The following RNF130 variants were observed in gnomAD, a reference collection of about 807,000 sequenced individuals.
The protein encoded by RNF130 is ring finger protein 130, also known as E3 ubiquitin-protein ligase RNF130.
RNF130 carries 21 observed loss-of-function variants against 44.6 expected under a neutral mutation model. That is an observed-to-expected ratio of 0.47 (90% CI 0.33 to 0.68). The LOEUF is 0.68. RNF130 is among the 30% of genes least tolerant of loss of function. The pLI is 0.02. For missense variants in RNF130, 479 were observed against 560.6 expected, an observed-to-expected ratio of 0.85 and a Z score of 1.47; for synonymous variants, 214 against 210.4, an observed-to-expected ratio of 1.02 and a Z score of -0.15.
intron 3 of RNF130, among the ~76,000 whole-genome samples, chr5:179,993,541 T>C (rs1358720076): frequency 6.6e-6 from 1 of 152,208 alleles, no homozygotes; most frequent in Non-Finnish European, 1.5e-5. Context: ...AGTGTCTGTC[T>C]GTATCCTTTG....
At chr5:179,923,984 G>C (rs533391611) in intron 7 of RNF130, among the ~76,000 whole-genome samples, 1 of 152,304 alleles carries the variant, frequency 6.6e-6, no homozygotes, top group South Asian at 2.1e-4. Context: ...TTCAGTGCTA[G>C]CTCATGAGCT....
intron 5 of RNF130, among the ~76,000 whole-genome samples, chr5:179,970,933 CCT>C (rs1241372565): frequency 6.6e-6 from 1 of 152,042 alleles, no homozygotes; most frequent in Non-Finnish European, 1.5e-5. Flanking sequence ...TTTTTGGCAC[CCT>C]GATTGAATGT....
At chr5:179,919,929 C>T in exon 8 of RNF130, 1 of 176,602 alleles carries the variant, frequency 5.7e-6, no homozygotes, top group Non-Finnish European at 1.2e-5. Context: ...GGGCAGTATG[C>T]ATCGTAAGCA....
At chr5:179,948,961 ATTT>A (rs554440602) in intron 7 of RNF130, among the ~76,000 whole-genome samples, 3 of 128,592 alleles carry the variant, frequency 2.3e-5, no homozygotes, top group Admixed American at 8.0e-5. Flanking sequence ...CCTTGGAATA[ATTT>A]TTTTTTTTTT....
At chr5:180,021,424 GA>G (rs950070291) in intron 2 of RNF130, among the ~76,000 whole-genome samples, 7 of 151,908 alleles carry the variant, frequency 4.6e-5, no homozygotes, top group Non-Finnish European at 8.8e-5. Context: ...GTATCATGAA[GA>G]AAAAAATCTG....
chr5:179,943,508 G>GA (rs1365510073), intron 7 of RNF130, among the ~76,000 whole-genome samples: 2 of 151,998 alleles, frequency 1.3e-5, no homozygotes, highest in Non-Finnish European at 2.9e-5. Flanking sequence ...TACTTATTCA[G>GA]AAAAACAATT....
At chr5:180,071,205 C>A (rs369907806) in intron 1 of RNF130, among the ~76,000 whole-genome samples, 1 of 152,228 alleles carries the variant, frequency 6.6e-6, no homozygotes, top group East Asian at 1.9e-4. Context: ...CTCCAGCAAA[C>A]GAGCTGCCTG....
chr5:179,955,960 C>T (rs974215634), intron 8 of RNF130: 4 of 314,358 alleles, frequency 1.3e-5, no homozygotes, highest in Non-Finnish European at 1.8e-5. Context: ...ATACAATTTA[C>T]AATTTTTCCT....
intron 2 of RNF130, among the ~76,000 whole-genome samples, chr5:180,028,336 G>T (rs1264609293): frequency 1.3e-5 from 2 of 152,110 alleles, no homozygotes; most frequent in African/African-American, 4.8e-5. Flanking sequence ...GCTCTAACAA[G>T]AGTTCAAAAA....
At chr5:179,921,582 G>C (rs1228158300) in intron 7 of RNF130, among the ~76,000 whole-genome samples, 1 of 152,180 alleles carries the variant, frequency 6.6e-6, no homozygotes, top group Non-Finnish European at 1.5e-5. Flanking sequence ...TGGATCATTT[G>C]AGATCAGGAG....
chr5:180,045,728 A>G (rs4264913), intron 1 of RNF130, among the ~76,000 whole-genome samples: 121,453 of 152,052 alleles, frequency 0.8, 48,730 homozygotes, highest in South Asian at 0.93. Flanking sequence ...ACAGAGTGCC[A>G]ATTGGTGCAT....
chr5:179,955,365 C>T lies in RNF130; in HGVS notation c.*289G>A, dbSNP rs531465923. 3 of 345,328 alleles carry T rather than the reference C, an allele frequency of 8.7e-6. No homozygotes were observed. The highest frequency in any genetic ancestry group is 4.4e-5 in the Admixed American group (1 of 22,578). The allele number at this position is 345,328 out of a possible 1,614,324, so 21.4% of individuals were successfully genotyped here. On this transcript the variant is annotated 3_prime_UTR_variant, in exon 9 of 9. Coordinates refer to ENST00000521389, the MANE Select transcript of RNF130 (RefSeq NM_018434.6). ...TAAGTGTCAATCCCTGTTCCTCTCA[C>T]GGGAGCCAGGAGCACATTCTGTCTC...
intron 5 of RNF130, among the ~76,000 whole-genome samples, chr5:179,976,075 A>G (rs1762710640): frequency 6.6e-6 from 1 of 152,158 alleles, no homozygotes; most frequent in African/African-American, 2.4e-5. Context: ...TGATCCCAGC[A>G]CTTCAGGATG....
chr5:180,012,196 C>T (rs150009147), intron 3 of RNF130, among the ~76,000 whole-genome samples: 10 of 152,246 alleles, frequency 6.6e-5, no homozygotes, highest in Admixed American at 1.3e-4. Context: ...CCAAAGTCTG[C>T]GCTTTTTCCG....
intron 3 of RNF130, among the ~76,000 whole-genome samples, chr5:179,999,436 A>T (rs1038591912): frequency 2.0e-5 from 3 of 152,056 alleles, no homozygotes; most frequent in South Asian, 4.1e-4. Flanking sequence ...AAGTGAAGTG[A>T]GTTGGCCGGC....
intron 7 of RNF130, chr5:179,933,922 A>G (rs2113677977): frequency 1.8e-6 from 1 of 561,736 alleles, no homozygotes. Context: ...ATGGGAGCAG[A>G]CTGTTCTGCC....
At chr5:180,015,387 A>C in intron 2 of RNF130, 1 of 530,988 alleles carries the variant, frequency 1.9e-6, no homozygotes, top group Non-Finnish European at 3.9e-6. Context: ...TTATAATCAC[A>C]CCAGGTACAA....
rs967032238 is a variant in RNF130 at position 179,978,009 on chromosome 5, G to A, written c.848+194C>T. ...CATATTGGCTACACCTCGGAAGGCC[G>A]TGCAGCCCGCACCTGCTGAACAGCA... On this transcript the variant is annotated intron_variant, in intron 5 of 8. Transcript: ENST00000521389. Among the ~76,000 whole-genome samples, 13 of 152,244 alleles carry A rather than the reference G, an allele frequency of 8.5e-5. 1 individual carries two copies. Among genetic ancestry groups the A allele is most frequent in the East Asian group, 1.9e-4 (1 of 5,200 alleles).
chr5:180,026,977 T>G (rs1328620158), intron 2 of RNF130, among the ~76,000 whole-genome samples: 1 of 152,194 alleles, frequency 6.6e-6, no homozygotes, highest in Non-Finnish European at 1.5e-5. Context: ...CTCTGAAGAC[T>G]GCAGGAGCCT....
Sources: allele counts gnomAD v4.1 joint callset (sites outside exome capture counted in the v4.1 genomes callset), GRCh38; gene constraint gnomAD v4.1.1; transcripts MANE v1.5; gene names NCBI Gene and HGNC (gene_info 2026-07-23, HGNC 2026-07-21).